Variants in ZNF2 observed in about 807,000 individuals in gnomAD.
The protein encoded by ZNF2 is zinc finger protein 2.
ZNF2 carries 12 observed loss-of-function variants against 21.9 expected under a neutral mutation model. The ratio of observed to expected loss-of-function variants is 0.55; its 90% CI spans 0.35 to 0.89. The LOEUF is 0.89. Among genes scored for constraint, ZNF2 ranks in the 40% least tolerant of loss-of-function variants. The probability of loss-of-function intolerance (pLI) is 0.01; values close to 1 mark genes in which losing one functional copy is unlikely to be tolerated. For missense variants in ZNF2, 462 were observed against 544.2 expected, an observed-to-expected ratio of 0.85 and a Z score of 1.50; for synonymous variants, 186 against 196.3, an observed-to-expected ratio of 0.95 and a Z score of 0.44.
At chr2:95,170,357 TC>T (rs1159769115) in intron 1 of ZNF2, among the ~76,000 whole-genome samples, 2 of 152,228 alleles carry the variant, frequency 1.3e-5, no homozygotes, top group African/African-American at 4.8e-5. Flanking sequence ...AACTTGTTTT[TC>T]CAATAAGTTT....
Position 95,177,524 on chromosome 2 carries a change from T to A in ZNF2, c.75T>A (p.Asp25Glu). ...TFEDVAVVFTDEEWSRLVPIQ... is the reference protein window; with the variant it reads ...TFEDVAVVFTEEEWSRLVPIQ... The stretch of plus-strand genomic sequence containing the variant: ...AAGACGTTGCCGTGGTTTTCACAGA[T>A]GAAGAGTGGAGTCGTCTGGTCCCCA... Residue 25 changes from aspartate (D) to glutamate (E), a missense_variant, in exon 3 of 5, where the codon GAT becomes GAA. Transcript: ENST00000614034. 1 of 1,614,108 alleles carries A rather than the reference T, an allele frequency of 6.2e-7. No individual in the cohort carries two copies. Among genetic ancestry groups the A allele is most frequent in the Non-Finnish European group, 8.5e-7 (1 of 1,180,012 alleles).
At chr2:95,178,850 A>G (rs1674537585) in intron 3 of ZNF2, among the ~76,000 whole-genome samples, 1 of 152,218 alleles carries the variant, frequency 6.6e-6, no homozygotes, top group Non-Finnish European at 1.5e-5. Flanking sequence ...TATGTTATCC[A>G]TACAATGTCA....
chr2:95,172,872 A>G (rs1674327067), intron 1 of ZNF2, among the ~76,000 whole-genome samples: 1 of 151,456 alleles, frequency 6.6e-6, no homozygotes, highest in Admixed American at 6.6e-5. Flanking sequence ...CCTAACCTCA[A>G]GTGATCCACA....
rs1376299946 is a variant in ZNF2, at chr2:95,183,645, G to A, written c.*1539G>A. On this transcript the variant is annotated 3_prime_UTR_variant, in exon 5 of 5. Transcript: ENST00000614034. ...TTTTTTTTTTTTTTTTTGTGAGACA[G>A]AGTCTCACTCTGTCACCCAGGTTGG... is the stretch of plus-strand genomic sequence containing the variant. 8.5e-6 allele frequency: 1 copy of A among 117,548 alleles called. No individual in the cohort carries two copies. The highest frequency in any genetic ancestry group is 1.6e-5 in the Non-Finnish European group (1 of 61,310). 7.3% of individuals were successfully genotyped at this position (117,548 alleles called of 1,614,324 possible). A position where few individuals can be genotyped will look rare whatever the true frequency, so the allele number is the denominator to read the frequency against.
intron 1 of ZNF2, among the ~76,000 whole-genome samples, chr2:95,167,262 T>A (rs1339475022): frequency 6.6e-6 from 1 of 152,150 alleles, no homozygotes; most frequent in African/African-American, 2.4e-5. Flanking sequence ...CCCAGCACTT[T>A]GGGAGTCTGA....
At chr2:95,179,698 C>G (rs969035826) in intron 3 of ZNF2, among the ~76,000 whole-genome samples, 1 of 152,200 alleles carries the variant, frequency 6.6e-6, no homozygotes, top group African/African-American at 2.4e-5. Context: ...TCCAGAGGTT[C>G]CTCTGCTTTG....
chr2:95,165,827 C>T lies in ZNF2; in HGVS notation c.-73C>T, dbSNP rs543770994. On this transcript the variant is annotated 5_prime_UTR_variant, in exon 1 of 5. Coordinates refer to ENST00000614034, the MANE Select transcript of ZNF2 (RefSeq NM_021088.4). ...TTGGTTTCCCGACCTGAAGAGGCGC[C>T]GTCTTCCCGGGTCCCGAGCACTCTG... 1.3e-5 allele frequency: 2 copies of T among 152,418 alleles called. No homozygotes were observed. The highest frequency in any genetic ancestry group is 2.4e-5 in the African/African-American group (1 of 41,586). 9.4% of individuals were successfully genotyped at this position (152,418 alleles called of 1,614,324 possible).
chr2:95,170,221 C>T (rs1674224057), intron 1 of ZNF2, among the ~76,000 whole-genome samples: 1 of 152,212 alleles, frequency 6.6e-6, no homozygotes, highest in Non-Finnish European at 1.5e-5. Context: ...CTCTGGTTAT[C>T]AATTGACATG....
intron 2 of ZNF2, 91 bp downstream of exon 2, chr2:95,176,350 A>G: frequency 6.5e-7 from 1 of 1,531,100 alleles, no homozygotes; most frequent in Non-Finnish European, 9.0e-7. Flanking sequence ...CTTTGAGCAG[A>G]CCCAGCCAGG....
At chr2:95,173,576 T>G (rs1162948179) in intron 1 of ZNF2, among the ~76,000 whole-genome samples, 1 of 152,242 alleles carries the variant, frequency 6.6e-6, no homozygotes, top group Non-Finnish European at 1.5e-5. Flanking sequence ...TTTCCTAATC[T>G]GTAAAATAGT....
rs1674698729 is a variant in ZNF2 at position 95,182,199 on chromosome 2, C to G, written c.*93C>G. The G allele has an allele frequency of 6.8e-7, 1 of 1,466,874 alleles. No individual in the cohort carries two copies. The highest frequency in any genetic ancestry group is 1.4e-5 in the African/African-American group (1 of 70,720). 90.9% of individuals were successfully genotyped at this position (1,466,874 alleles called of 1,614,324 possible). A position where few individuals can be genotyped will look rare whatever the true frequency, so the allele number is the denominator to read the frequency against. On this transcript the variant is annotated 3_prime_UTR_variant, in exon 5 of 5. Coordinates refer to ENST00000614034, the MANE Select transcript of ZNF2 (RefSeq NM_021088.4). The stretch of plus-strand genomic sequence containing the variant: ...AGCTGCCATTTGCTCATTCTACCCA[C>G]TCTGGCTGCCGTTGTCCTGTCCTGC...
chr2:95,180,675 T>C (rs1674608031), intron 4 of ZNF2, among the ~76,000 whole-genome samples: 2 of 152,246 alleles, frequency 1.3e-5, no homozygotes, highest in Admixed American at 1.3e-4. Flanking sequence ...CACGCCTGGA[T>C]AATTTTTGTA....
chr2:95,172,427 T>C (rs1324052173), intron 1 of ZNF2, among the ~76,000 whole-genome samples: 1 of 152,190 alleles, frequency 6.6e-6, no homozygotes, highest in African/African-American at 2.4e-5. Flanking sequence ...CTTTCCTTCC[T>C]GTTATTTTTT....
At chr2:95,176,619 AGGGAGTGTG>A (rs1288815233) in intron 2 of ZNF2, among the ~76,000 whole-genome samples, 1 of 152,180 alleles carries the variant, frequency 6.6e-6, no homozygotes, top group Non-Finnish European at 1.5e-5. Context: ...CCAGTGTTCC[AGGGAGTGTG>A]GGGCTAGGCT....
In ZNF2 at chr2:95,180,096, T is replaced by C; in HGVS notation, c.161-63T>C. ...AATCTTAGAGGCTGGGATTGAGCTT[T>C]GGGAGAGTGATATTATTTTCATCAC... is the stretch of plus-strand genomic sequence containing the variant. On this transcript the variant is annotated intron_variant, in intron 3 of 4. Transcript: ENST00000614034. The C allele has an allele frequency of 9.5e-6, 11 of 1,163,796 alleles. No individual in the cohort carries two copies. In the South Asian group the frequency reaches 1.3e-4, roughly 13 times the overall value. The allele number at this position is 1,163,796 out of a possible 1,614,324, so 72.1% of individuals were successfully genotyped here.
At chr2:95,173,254 CAT>C (rs1480341689) in intron 1 of ZNF2, among the ~76,000 whole-genome samples, 2 of 151,926 alleles carry the variant, frequency 1.3e-5, no homozygotes, top group South Asian at 2.1e-4. Context: ...GTATAATACA[CAT>C]ATTCATATAT....
At chr2:95,168,242 T>C (rs1674152296) in intron 1 of ZNF2, among the ~76,000 whole-genome samples, 1 of 151,496 alleles carries the variant, frequency 6.6e-6, no homozygotes, top group Non-Finnish European at 1.5e-5. Flanking sequence ...CTGGCCAAAA[T>C]GGTGAAACTC....
chr2:95,175,700 G>A (rs1045249105), intron 1 of ZNF2, among the ~76,000 whole-genome samples: 6 of 152,144 alleles, frequency 3.9e-5, no homozygotes, highest in East Asian at 1.9e-4. Context: ...GTGTGGCTCC[G>A]GGAATAAGAC....
rs1173168157 is a variant in ZNF2 at position 95,177,688 on chromosome 2, TCTC to T, written c.160+84_160+86del. ...GAGAGGGCTGAGGAATTAATACCGTTCTCCTCCCCGCTGAGTTCTGAGCCACCT... is the reference window on the plus strand; with the variant it reads ...GAGAGGGCTGAGGAATTAATACCGTTCTCCCCGCTGAGTTCTGAGCCACCT... On this transcript the variant is annotated intron_variant, in intron 3 of 4. Coordinates refer to ENST00000614034, the MANE Select transcript of ZNF2 (RefSeq NM_021088.4). 1.1e-5 allele frequency: 16 copies of T among 1,507,600 alleles called. No homozygotes were observed. The African/African-American group carries it at 2.1e-4, about 20-fold the overall frequency. 93.4% of individuals were successfully genotyped at this position (1,507,600 alleles called of 1,614,324 possible).
Sources: gnomAD v4.1 joint callset for allele counts (sites outside exome capture counted in the v4.1 genomes callset) on GRCh38, gnomAD v4.1.1 for gene constraint, MANE v1.5 for transcripts, NCBI Gene and HGNC (gene_info 2026-07-23, HGNC 2026-07-21) for gene names.